The following APLF variants were observed in gnomAD, a reference collection of about 807,000 sequenced individuals.
The protein encoded by APLF is aprataxin and PNK-like factor.
Under a neutral mutation model 55.6 loss-of-function variants are expected in APLF, and 61 were observed. That is an observed-to-expected ratio of 1.10 (90% CI 0.89 to 1.36). The LOEUF (loss-of-function observed/expected upper bound fraction) is 1.36. Among genes scored for constraint, APLF ranks in the 40% most tolerant of loss-of-function variants. APLF has a pLI of 0.00. For missense variants in APLF, 611 were observed against 602.5 expected (o/e 1.01, Z -0.15); for synonymous variants, 207 against 214.8 (o/e 0.96, Z 0.32).
At chr2:68,528,637 C>T (rs1421032930) in intron 6 of APLF, 15 of 1,532,084 alleles carry the variant, frequency 9.8e-6, no homozygotes, top group Middle Eastern at 2.3e-4. Flanking sequence ...CCTTCAAGGC[C>T]GCCTTCTCTG....
At chr2:68,483,232 G>C (rs1308019950) in intron 1 of APLF, among the ~76,000 whole-genome samples, 5 of 152,264 alleles carry the variant, frequency 3.3e-5, no homozygotes, top group Admixed American at 1.3e-4. Flanking sequence ...ATGTAGCTTT[G>C]TAAATTCCAG....
chr2:68,546,500 A>G (rs1670709899), intron 8 of APLF, among the ~76,000 whole-genome samples: 1 of 151,984 alleles, frequency 6.6e-6, no homozygotes. Context: ...TTTTGAACAT[A>G]GTTGTAAATA....
chr2:68,477,587 C>G (rs763952535), intron 1 of APLF, among the ~76,000 whole-genome samples: 3 of 152,174 alleles, frequency 2.0e-5, no homozygotes, highest in African/African-American at 4.8e-5. Context: ...CAGCAGTGAG[C>G]CATGACTGCA....
At chr2:68,513,307 C>A in intron 4 of APLF, 80 bp downstream of exon 4, 1 of 1,445,778 alleles carries the variant, frequency 6.9e-7, no homozygotes, top group Admixed American at 2.5e-5. Flanking sequence ...TGAAATTAGG[C>A]CTATTATGAC....
chr2:68,535,350 C>T lies in APLF; in HGVS notation c.805-2522C>T, dbSNP rs1670357543. 5 of 422,352 alleles carry T rather than the reference C, an allele frequency of 1.2e-5. No homozygotes were observed. In the Middle Eastern group the frequency reaches 1.4e-3, roughly 116 times the overall value. The allele number at this position is 422,352 out of a possible 1,614,324, so 26.2% of individuals were successfully genotyped here. On this transcript the variant is annotated intron_variant, in intron 6 of 9. Coordinates refer to ENST00000303795, the MANE Select transcript of APLF (RefSeq NM_173545.3). The stretch of plus-strand genomic sequence containing the variant: ...AAATAATGAAAACCTCCATTTGCCT[C>T]ATCCTTCGACCTCATTGCGTTACTA...
intron 6 of APLF, among the ~76,000 whole-genome samples, chr2:68,534,379 A>C (rs1256848397): frequency 6.6e-6 from 1 of 152,146 alleles, no homozygotes; most frequent in Admixed American, 6.5e-5. Context: ...AGGACTTTTA[A>C]GGTAATTTGT....
intron 9 of APLF, chr2:68,568,303 C>T: frequency 1.0e-6 from 1 of 985,348 alleles, no homozygotes; most frequent in South Asian, 4.7e-5. Context: ...ATCCAGGCTG[C>T]ACTCACTTGC....
In APLF at chr2:68,513,657, T is replaced by C; in HGVS notation, c.599T>C (p.Leu200Pro). Reference protein sequence around the residue: ...MLAEHLSDQNLSVPAISGGNV... With the variant: ...MLAEHLSDQNPSVPAISGGNV... ...GCAGAACATTTAAGTGATCAAAACC[T>C]TTCAGTACCAGCAATCAGTGGAGGT... Residue 200 changes from leucine to proline, a missense_variant, in exon 5 of 10, where the codon CTT becomes CCT. Coordinates refer to ENST00000303795, the MANE Select transcript of APLF (RefSeq NM_173545.3). 1 of 1,611,114 alleles carries C rather than the reference T, an allele frequency of 6.2e-7. No homozygotes were observed. Among genetic ancestry groups the C allele is most frequent in the South Asian group, 1.1e-5 (1 of 90,930 alleles).
chr2:68,520,581 C>T (rs1669869767), intron 5 of APLF, among the ~76,000 whole-genome samples: 2 of 151,914 alleles, frequency 1.3e-5, no homozygotes, highest in South Asian at 2.1e-4. Context: ...TGTCCTTTCC[C>T]TACTTTATAT....
Position 68,494,874 on chromosome 2 carries a change from A to G in APLF, c.168+4613A>G, listed in dbSNP as rs115863092. On this transcript the variant is annotated intron_variant, in intron 2 of 9. Transcript: ENST00000303795. ...CTGCAGAGTATTCCATGGTATATAT[A>G]TACCCCATTTTCTTTTTCCAGTCTA... Among the ~76,000 whole-genome samples the G allele has an allele frequency of 1.6e-3, 243 of 152,054 alleles. 2 individuals are homozygous for G. The highest frequency in any genetic ancestry group is 2.7e-3 in the Non-Finnish European group (183 of 67,974).
chr2:68,539,035 T>G (rs1055856698), intron 7 of APLF, among the ~76,000 whole-genome samples: 1 of 152,204 alleles, frequency 6.6e-6, no homozygotes, highest in Non-Finnish European at 1.5e-5. Context: ...TGCAATAGTA[T>G]ATTTTAATAT....
intron 1 of APLF, among the ~76,000 whole-genome samples, chr2:68,476,296 A>G (rs951684147): frequency 6.6e-6 from 1 of 151,968 alleles, no homozygotes; most frequent in Non-Finnish European, 1.5e-5. Context: ...GACCAGCCTG[A>G]TCAACATGGT....
At chr2:68,518,492 A>T (rs1202129378) in intron 5 of APLF, among the ~76,000 whole-genome samples, 1 of 117,372 alleles carries the variant, frequency 8.5e-6, no homozygotes, top group South Asian at 2.4e-4. Flanking sequence ...AATAACATTA[A>T]TAATATATAA....
chr2:68,568,550 A>ATAT lies in APLF; in HGVS notation c.1333+1165_1333+1166insTTA, dbSNP rs1455530542. Among the ~76,000 whole-genome samples the ATAT allele has an allele frequency of 3.9e-5, 6 of 152,124 alleles. No homozygotes were observed. The East Asian group carries it at 1.2e-3, about 29-fold the overall frequency. On this transcript the variant is annotated intron_variant, in intron 9 of 9. Transcript: ENST00000303795. ...ATGGTGTGGCAGTTATGGTAGTTTA[A>ATAT]TAAAGTCTTCCTTTCTAGAAATAAT...
intron 1 of APLF, among the ~76,000 whole-genome samples, chr2:68,470,152 A>G (rs961233557): frequency 3.3e-5 from 5 of 152,240 alleles, no homozygotes; most frequent in Non-Finnish European, 7.3e-5. Flanking sequence ...ATCAGTTAGA[A>G]GGTTTTACAG....
intron 1 of APLF, among the ~76,000 whole-genome samples, chr2:68,480,636 A>C (rs1384988281): frequency 1.3e-5 from 2 of 151,690 alleles, no homozygotes; most frequent in East Asian, 3.9e-4. Context: ...TCTGGCTAGG[A>C]CTAATAGTAC....
At chr2:68,508,886 G>T (rs1225841100) in intron 3 of APLF, among the ~76,000 whole-genome samples, 1 of 151,994 alleles carries the variant, frequency 6.6e-6, no homozygotes, top group East Asian at 1.9e-4. Flanking sequence ...TAGACCAATG[G>T]AACAGAACAG....
intron 9 of APLF, among the ~76,000 whole-genome samples, chr2:68,568,535 A>T (rs550350795): frequency 2.4e-4 from 36 of 152,260 alleles, no homozygotes; most frequent in Middle Eastern, 3.4e-3. Context: ...ATGGTGTGGC[A>T]GTTATGGTAG....
At chr2:68,476,784 G>A (rs1675790177) in intron 1 of APLF, among the ~76,000 whole-genome samples, 1 of 152,076 alleles carries the variant, frequency 6.6e-6, no homozygotes, top group Non-Finnish European at 1.5e-5. Flanking sequence ...ATGGGTATGA[G>A]GTTTCCTTTT....
Sources: allele counts gnomAD v4.1 joint callset (sites outside exome capture counted in the v4.1 genomes callset), GRCh38; gene constraint gnomAD v4.1.1; transcripts MANE v1.5; gene names NCBI Gene and HGNC (gene_info 2026-07-23, HGNC 2026-07-21).